The following PRKN variants were observed in gnomAD, a reference collection of about 807,000 sequenced individuals.
PRKN encodes the protein parkin RBR E3 ubiquitin protein ligase.
PRKN carries 56 observed loss-of-function variants against 59.5 expected under a neutral mutation model. That is an observed-to-expected ratio of 0.94 (90% CI 0.76 to 1.18). The LOEUF (loss-of-function observed/expected upper bound fraction) is 1.18. Ranked by LOEUF, PRKN falls within the 50% of genes most tolerant of loss-of-function variation. The pLI is 0.00. For missense variants in PRKN, 657 were observed against 596.4 expected, an observed-to-expected ratio of 1.10 and a Z score of -1.06; for synonymous variants, 250 against 222.1, an observed-to-expected ratio of 1.13 and a Z score of -1.12.
chr6:161,769,741 G>A (rs116315718), intron 7 of PRKN, among the ~76,000 whole-genome samples: 3,309 of 152,228 alleles, frequency 0.022, 127 homozygotes, highest in African/African-American at 0.076. Context: ...TCTTGGATGT[G>A]GGGATTAAGC....
chr6:162,649,381 C>CT (rs1778327889), intron 1 of PRKN, among the ~76,000 whole-genome samples: 2 of 152,092 alleles, frequency 1.3e-5, no homozygotes, highest in South Asian at 4.1e-4. Context: ...AAATAGGATA[C>CT]TGGTAATGAT....
chr6:162,360,923 G>T (rs1417433082), intron 2 of PRKN, among the ~76,000 whole-genome samples: 1 of 152,142 alleles, frequency 6.6e-6, no homozygotes, highest in African/African-American at 2.4e-5. Context: ...ATGAGTTTTT[G>T]AATTAAATTT....
intron 3 of PRKN, among the ~76,000 whole-genome samples, chr6:162,235,781 T>G (rs1270976675): frequency 6.7e-6 from 1 of 148,348 alleles, no homozygotes; most frequent in African/African-American, 2.5e-5. Context: ...CTAGCCTGGG[T>G]GACAGAGCAA....
chr6:162,205,313 A>C (rs1784892514), intron 3 of PRKN, among the ~76,000 whole-genome samples: 2 of 152,114 alleles, frequency 1.3e-5, no homozygotes, highest in Admixed American at 1.3e-4. Flanking sequence ...AAAATAGTAT[A>C]TTTTATTTGC....
chr6:162,394,800 G>C (rs1787390807), intron 2 of PRKN, among the ~76,000 whole-genome samples: 1 of 152,188 alleles, frequency 6.6e-6, no homozygotes, highest in Non-Finnish European at 1.5e-5. Context: ...TAAGTGAATA[G>C]AAAAGTAGCC....
intron 1 of PRKN, among the ~76,000 whole-genome samples, chr6:162,683,970 A>G (rs927271567): frequency 6.6e-6 from 1 of 152,156 alleles, no homozygotes; most frequent in African/African-American, 2.4e-5. Flanking sequence ...GTAGAATAGT[A>G]TGAAGAAATA....
chr6:161,939,872 G>A (rs1430389037), intron 6 of PRKN, among the ~76,000 whole-genome samples: 3 of 151,578 alleles, frequency 2.0e-5, no homozygotes, highest in East Asian at 1.9e-4. Flanking sequence ...TTTCTTAGGG[G>A]TAAAATTGGT....
At chr6:162,005,818 AG>A (rs1366486811) in intron 5 of PRKN, among the ~76,000 whole-genome samples, 1 of 152,186 alleles carries the variant, frequency 6.6e-6, no homozygotes, top group Admixed American at 6.5e-5. Flanking sequence ...GCTAGATGTC[AG>A]GGTTGGAAGA....
intron 4 of PRKN, among the ~76,000 whole-genome samples, chr6:162,183,475 G>A (rs529399220): frequency 6.6e-6 from 1 of 152,306 alleles, no homozygotes; most frequent in Non-Finnish European, 1.5e-5. Flanking sequence ...AGCCTATGAA[G>A]TAGGTTTCTC....
At chr6:162,556,344 TGTGTGTG>T (rs1779573762) in intron 1 of PRKN, among the ~76,000 whole-genome samples, 286 of 87,374 alleles carry the variant, frequency 3.3e-3, no homozygotes, top group Middle Eastern at 0.012. Flanking sequence ...ACTCAGCTGG[TGTGTGTG>T]TGTGTGTGTG....
At position 162,056,797 on chromosome 6, in the gene PRKN, A is replaced by G. The variant is rs1023094280; in HGVS notation, c.535-2623T>C. On this transcript the variant is annotated intron_variant, in intron 4 of 11. Coordinates refer to ENST00000366898, the MANE Select transcript of PRKN (RefSeq NM_004562.3). This position sits in a 1 kb window ranked among gnomAD's most constrained non-coding sequence, Gnocchi z 4.9. ...ATAAGCCCCAGGCAGAGGTGTCTGCATGACCAGTTCCCACTAAAATCGCTG... is the reference window on the plus strand; with the variant it reads ...ATAAGCCCCAGGCAGAGGTGTCTGCGTGACCAGTTCCCACTAAAATCGCTG... Among the ~76,000 whole-genome samples the G allele has an allele frequency of 4.6e-5, 7 of 152,160 alleles. No individual in the cohort carries two copies. Among genetic ancestry groups the G allele is most frequent in the African/African-American group, 9.7e-5 (4 of 41,442 alleles).
At chr6:162,540,795 G>A (rs1432094724) in intron 1 of PRKN, among the ~76,000 whole-genome samples, 17 of 122,744 alleles carry the variant, frequency 1.4e-4, no homozygotes, top group African/African-American at 5.1e-4. Flanking sequence ...TGACAAGAGT[G>A]AAACTCTGGC....
intron 1 of PRKN, among the ~76,000 whole-genome samples, chr6:162,629,299 ATAAC>A (rs1391473624): frequency 6.6e-6 from 1 of 152,170 alleles, no homozygotes; most frequent in Admixed American, 6.5e-5. Context: ...ATGTGGAAAA[ATAAC>A]TAATACATAA....
chr6:162,404,805 G>A (rs112013442), intron 2 of PRKN, among the ~76,000 whole-genome samples: 10,401 of 152,228 alleles, frequency 0.068, 595 homozygotes, highest in Admixed American at 0.17. Context: ...GCCCGCCTCG[G>A]CCTCCCAAAG....
At chr6:162,071,480 T>G (rs963612812) in intron 4 of PRKN, among the ~76,000 whole-genome samples, 2 of 81,874 alleles carry the variant, frequency 2.4e-5, no homozygotes, top group African/African-American at 5.2e-5. Flanking sequence ...ACAGCACTAA[T>G]TCTTCTGGTT....
chr6:162,552,977 C>G (rs1336052360), intron 1 of PRKN, among the ~76,000 whole-genome samples: 2 of 152,080 alleles, frequency 1.3e-5, no homozygotes, highest in Non-Finnish European at 2.9e-5. Context: ...TGCGTAAGAA[C>G]AAACGAGAGG....
intron 6 of PRKN, among the ~76,000 whole-genome samples, chr6:161,882,545 T>G (rs895606285): frequency 4.6e-5 from 7 of 152,226 alleles, no homozygotes; most frequent in African/African-American, 1.7e-4. Flanking sequence ...TTGGGGGCTC[T>G]GAGTTTGGGA....
intron 1 of PRKN, among the ~76,000 whole-genome samples, chr6:162,682,255 T>C (rs1172038121): frequency 1.3e-5 from 2 of 151,950 alleles, no homozygotes; most frequent in Non-Finnish European, 2.9e-5. Context: ...TATGGTATTA[T>C]TATATATCCC....
chr6:161,433,932 A>C (rs1441681442), intron 9 of PRKN, among the ~76,000 whole-genome samples: 1 of 152,064 alleles, frequency 6.6e-6, no homozygotes, highest in Non-Finnish European at 1.5e-5. Flanking sequence ...GAGGAGAATT[A>C]TCTGAACCCG....
Sources: gnomAD v4.1 joint callset for allele counts (sites outside exome capture counted in the v4.1 genomes callset) on GRCh38, gnomAD v4.1.1 for gene constraint, Gnocchi (gnomAD v3.1) non-coding constraint, MANE v1.5 for transcripts, NCBI Gene and HGNC (gene_info 2026-07-23, HGNC 2026-07-21) for gene names.